NOL4L: variants seen among roughly 807,000 people sequenced by gnomAD.
The protein encoded by NOL4L is nucleolar protein 4 like.
Under a neutral mutation model 64.5 loss-of-function variants are expected in NOL4L, and 7 were observed. That is an observed-to-expected ratio of 0.11 (90% CI 0.06 to 0.20). NOL4L has a LOEUF of 0.20. NOL4L is among the 10% of genes least tolerant of loss of function. The pLI is 1.00. For synonymous variants in NOL4L, 413 were observed against 401.0 expected, an observed-to-expected ratio of 1.03 and a Z score of -0.36; for missense variants, 680 against 967.1, an observed-to-expected ratio of 0.70 and a Z score of 3.94.
chr20:32,548,064 T>C (rs1370908042), intron 1 of NOL4L, among the ~76,000 whole-genome samples: 4 of 152,210 alleles, frequency 2.6e-5, no homozygotes, highest in African/African-American at 9.6e-5. Flanking sequence ...AGGACAATAA[T>C]AGCCAATGTG....
intron 1 of NOL4L, among the ~76,000 whole-genome samples, chr20:32,562,557 G>C (rs899609712): frequency 6.6e-6 from 1 of 151,992 alleles, no homozygotes; most frequent in African/African-American, 2.4e-5. Context: ...GGTATACTCT[G>C]CCAGAAAATC....
intron 1 of NOL4L, among the ~76,000 whole-genome samples, chr20:32,528,535 C>T (rs748058530): frequency 9.9e-5 from 15 of 152,244 alleles, no homozygotes; most frequent in Admixed American, 2.0e-4. Flanking sequence ...GCCGTGTGAA[C>T]GGGGCGGCCG....
chr20:32,568,524 A>G (rs1369192055), intron 1 of NOL4L, among the ~76,000 whole-genome samples: 3 of 151,912 alleles, frequency 2.0e-5, no homozygotes, highest in Non-Finnish European at 4.4e-5. Flanking sequence ...CTCACTCCCT[A>G]AACACCTCCC....
chr20:32,482,931 G>A (rs1280608668), intron 4 of NOL4L, among the ~76,000 whole-genome samples: 1 of 149,776 alleles, frequency 6.7e-6, no homozygotes, highest in African/African-American at 2.5e-5. Flanking sequence ...GCGGTGCCGA[G>A]CCCGCTGCAC....
chr20:32,446,657 A>G lies in NOL4L; in HGVS notation c.*939T>C, dbSNP rs1166657196. The G allele has an allele frequency of 6.5e-6, 1 of 153,880 alleles. No homozygotes were observed. The highest frequency in any genetic ancestry group is 2.4e-5 in the African/African-American group (1 of 41,476). The allele number at this position is 153,880 out of a possible 1,614,324, so 9.5% of individuals were successfully genotyped here. On this transcript the variant is annotated 3_prime_UTR_variant, in exon 11 of 11. Coordinates refer to ENST00000621426, the MANE Select transcript of NOL4L (RefSeq NM_001256798.2). ...GCTGCAGTGGCTGGTTAGGGACAGG[A>G]CGCTCTCTGGGTTCCAGCTCCTGGA... is the stretch of plus-strand genomic sequence containing the variant.
intron 4 of NOL4L, among the ~76,000 whole-genome samples, chr20:32,483,869 G>C (rs865940742): frequency 7.1e-6 from 1 of 140,594 alleles, no homozygotes; most frequent in African/African-American, 2.6e-5. Context: ...GGGCCAGGTA[G>C]GGGGGGATAA....
rs2013008170 is a variant in NOL4L at position 32,452,360 on chromosome 20, G to A, written c.1698C>T (p.Ala566=). ...ACACAGGGTCCTGGGAGTAGGAGGA[G>A]GCTGGCAGTGAGTAGGTGGAGTGGG... ...AITHSTYSLP[A]SSYSQDPVYA... is the part of the protein sequence containing the mutation. The change falls in exon 10 of 11, where the codon GCC becomes GCT. Residue 566 remains alanine, a synonymous_variant. Transcript: ENST00000621426. The A allele has an allele frequency of 6.2e-7, 1 of 1,612,794 alleles. No homozygotes were observed. Among genetic ancestry groups the A allele is most frequent in the Non-Finnish European group, 8.5e-7 (1 of 1,179,324 alleles).
chr20:32,555,255 T>C (rs1362808284), intron 1 of NOL4L, among the ~76,000 whole-genome samples: 1 of 152,144 alleles, frequency 6.6e-6, no homozygotes, highest in Non-Finnish European at 1.5e-5. Flanking sequence ...CCAATTCATA[T>C]GTTGAAGTCC....
chr20:32,513,230 G>A (rs147949543), intron 3 of NOL4L, among the ~76,000 whole-genome samples: 5 of 152,274 alleles, frequency 3.3e-5, no homozygotes, highest in African/African-American at 9.6e-5. Flanking sequence ...TGACAGGGCC[G>A]AGGTCCAGGA....
At chr20:32,583,339 G>A (rs1354727500) in intron 1 of NOL4L, among the ~76,000 whole-genome samples, 1 of 150,746 alleles carries the variant, frequency 6.6e-6, no homozygotes, top group African/African-American at 2.4e-5. Flanking sequence ...GAGGGGGAGG[G>A]GGAGGGGACA....
intron 3 of NOL4L, chr20:32,520,007 C>G (rs184890628): frequency 6.6e-6 from 1 of 152,166 alleles, no homozygotes; most frequent in Non-Finnish European, 1.5e-5. Flanking sequence ...ATCAGTCGGC[C>G]GGGTGCAGAT....
intron 4 of NOL4L, among the ~76,000 whole-genome samples, chr20:32,490,353 G>A (rs2016419504): frequency 6.6e-6 from 1 of 151,978 alleles, no homozygotes; most frequent in South Asian, 2.1e-4. Context: ...GGACTGGGGG[G>A]TGAGAGGGAA....
chr20:32,531,484 C>T (rs1207920405), intron 1 of NOL4L, among the ~76,000 whole-genome samples: 2 of 151,812 alleles, frequency 1.3e-5, no homozygotes, highest in Non-Finnish European at 2.9e-5. Flanking sequence ...TCCCAAGTAA[C>T]TGGGATTAAA....
intron 1 of NOL4L, among the ~76,000 whole-genome samples, chr20:32,566,803 C>A (rs1463885551): frequency 2.6e-5 from 4 of 152,202 alleles, no homozygotes; most frequent in Admixed American, 2.6e-4. Flanking sequence ...CTTTTCTCCA[C>A]GCATTTACCA....
At position 32,464,097 on chromosome 20, in the gene NOL4L, C is replaced by T. The variant is rs573491202; in HGVS notation, c.842-7702G>A. Among the ~76,000 whole-genome samples the T allele has an allele frequency of 1.4e-4, 21 of 152,268 alleles. 1 individual carries two copies. The South Asian group carries it at 3.5e-3, about 26-fold the overall frequency. ...AGGGGGTGGGAGACTGCTGGAGCCA[C>T]GGCCCACCATGGCCAGGGAGGCGTG... On this transcript the variant is annotated intron_variant, in intron 5 of 10. Transcript: ENST00000621426. The surrounding 1 kb of genome is among the most constrained non-coding windows in gnomAD (Gnocchi z 5.6).
chr20:32,536,123 AATG>A (rs2018513941), intron 1 of NOL4L: 6 of 985,618 alleles, frequency 6.1e-6, no homozygotes, highest in Non-Finnish European at 7.2e-6. Flanking sequence ...TGGGAACCCA[AATG>A]ATGCACAAAC....
rs1910037737 is a variant in NOL4L, at chr20:32,463,860, C to A, written c.842-7465G>T. ...GACTCCCACCAGCTCCCAGGCTAGG[C>A]TCGGAGAACGGGAAGGCCCACCATC... is the stretch of plus-strand genomic sequence containing the variant. On this transcript the variant is annotated intron_variant, in intron 5 of 10. Transcript: ENST00000621426. The surrounding 1 kb of genome is among the most constrained non-coding windows in gnomAD (Gnocchi z 5.8). Among the ~76,000 whole-genome samples the A allele has an allele frequency of 6.6e-6, 1 of 152,168 alleles. No individual in the cohort carries two copies. Among genetic ancestry groups the A allele is most frequent in the Admixed American group, 6.5e-5 (1 of 15,290 alleles).
At chr20:32,580,494 T>G (rs1423708176) in intron 1 of NOL4L, among the ~76,000 whole-genome samples, 1 of 152,194 alleles carries the variant, frequency 6.6e-6, no homozygotes, top group African/African-American at 2.4e-5. Context: ...TGCTTTCCAC[T>G]AAATGAACGT....
At chr20:32,540,086 C>T (rs1487717242) in intron 1 of NOL4L, among the ~76,000 whole-genome samples, 3 of 152,136 alleles carry the variant, frequency 2.0e-5, no homozygotes, top group Non-Finnish European at 4.4e-5. Flanking sequence ...CATTTTTTTC[C>T]ATTTGCCGGT....
Sources: allele counts gnomAD v4.1 joint callset (sites outside exome capture counted in the v4.1 genomes callset), GRCh38; gene constraint gnomAD v4.1.1; non-coding constraint Gnocchi (gnomAD v3.1); transcripts MANE v1.5; gene names NCBI Gene and HGNC (gene_info 2026-07-23, HGNC 2026-07-21).